Variants in CFDP1 observed in about 807,000 individuals in gnomAD.
CFDP1 encodes the protein heterochromatin-stabilizing protein CFDP1.
A neutral mutation model predicts 40.1 loss-of-function variants in CFDP1; 31 were observed. The observed-to-expected ratio is 0.77, with a 90% CI of 0.58 to 1.04. The LOEUF (loss-of-function observed/expected upper bound fraction) is 1.04, where lower values mean the gene tolerates loss of function less well. Ranked by LOEUF, CFDP1 falls within the 50% of genes least tolerant of loss-of-function variation. The probability of loss-of-function intolerance (pLI) is 0.00; values close to 1 mark genes in which losing one functional copy is unlikely to be tolerated. For synonymous variants in CFDP1, 167 were observed against 120.0 expected (o/e 1.39, Z -2.56); for missense variants, 423 against 343.4 (o/e 1.23, Z -1.83).
intron 5 of CFDP1, among the ~76,000 whole-genome samples, chr16:75,366,550 G>A (rs956539420): frequency 2.6e-5 from 4 of 152,136 alleles, no homozygotes; most frequent in African/African-American, 9.7e-5. Context: ...TTGAACATGG[G>A]AGGCGGAGGT....
At chr16:75,385,738 G>A (rs946720018) in intron 5 of CFDP1, among the ~76,000 whole-genome samples, 1 of 111,180 alleles carries the variant, frequency 9.0e-6, no homozygotes, top group Admixed American at 1.1e-4. Flanking sequence ...CTAGTGTACA[G>A]TAAAAGAAGT....
intron 5 of CFDP1, among the ~76,000 whole-genome samples, chr16:75,329,423 C>A (rs1035964388): frequency 1.3e-5 from 2 of 152,078 alleles, no homozygotes; most frequent in African/African-American, 4.8e-5. Flanking sequence ...ATTATGCATC[C>A]GTGTGACTTT....
chr16:75,431,027 C>T (rs953514904), intron 1 of CFDP1, among the ~76,000 whole-genome samples: 19 of 151,974 alleles, frequency 1.3e-4, no homozygotes, highest in African/African-American at 4.1e-4. Flanking sequence ...CAGTTAAGTA[C>T]ATAGACAGCT....
In CFDP1 at chr16:75,311,768, C is replaced by T. The variant is rs908231715; in HGVS notation, c.651-6586G>A. 1.2e-4 allele frequency among the ~76,000 whole-genome samples: 13 copies of T among 112,080 alleles called. No homozygotes were observed. In the Admixed American group the frequency reaches 1.2e-3, roughly 11 times the overall value. The allele number at this position is 112,080 out of a possible 152,430, so 73.5% of individuals were successfully genotyped here. On this transcript the variant is annotated intron_variant, in intron 5 of 6. Transcript: ENST00000283882. The stretch of plus-strand genomic sequence containing the variant: ...CTTACAATGTAGGAATGGACCTTTA[C>T]AATTTTTTTTTTTTTTTTTCAAGAA...
chr16:75,346,131 G>A (rs995122186), intron 5 of CFDP1, among the ~76,000 whole-genome samples: 1 of 152,212 alleles, frequency 6.6e-6, no homozygotes, highest in Middle Eastern at 3.2e-3. Context: ...TGAATCCTCA[G>A]TGTTTACTAG....
chr16:75,342,485 G>T (rs1030034365), intron 5 of CFDP1, among the ~76,000 whole-genome samples: 1 of 152,132 alleles, frequency 6.6e-6, no homozygotes, highest in Admixed American at 6.5e-5. Flanking sequence ...GTAAAAGTTT[G>T]TTTACTTGGA....
At chr16:75,310,422 G>A (rs1218971985) in intron 5 of CFDP1, among the ~76,000 whole-genome samples, 1 of 152,182 alleles carries the variant, frequency 6.6e-6, no homozygotes, top group African/African-American at 2.4e-5. Flanking sequence ...ACTCAGAAAA[G>A]TAAAAGAGAC....
intron 5 of CFDP1, among the ~76,000 whole-genome samples, chr16:75,378,798 C>A (rs2078825909): frequency 6.6e-6 from 1 of 152,164 alleles, no homozygotes; most frequent in African/African-American, 2.4e-5. Context: ...AACAAAGATA[C>A]TGGTCTTTCC....
intron 5 of CFDP1, among the ~76,000 whole-genome samples, chr16:75,371,808 G>A (rs1567660140): frequency 1.3e-5 from 2 of 152,048 alleles, no homozygotes; most frequent in South Asian, 2.1e-4. Context: ...ATCTATATAC[G>A]TTTTTAATAG....
intron 4 of CFDP1, among the ~76,000 whole-genome samples, chr16:75,396,996 C>G (rs1036086571): frequency 7.9e-5 from 12 of 152,072 alleles, no homozygotes; most frequent in African/African-American, 2.7e-4. Flanking sequence ...TCACTGCAAC[C>G]TCTGCCTCCT....
At chr16:75,367,774 C>A (rs2078725321) in intron 5 of CFDP1, among the ~76,000 whole-genome samples, 1 of 119,586 alleles carries the variant, frequency 8.4e-6, no homozygotes, top group Non-Finnish European at 1.6e-5. Context: ...GCCTGGGCGA[C>A]AGAGTGACAC....
At chr16:75,325,231 GACA>G (rs1352982117) in intron 5 of CFDP1, among the ~76,000 whole-genome samples, 2 of 152,164 alleles carry the variant, frequency 1.3e-5, no homozygotes, top group African/African-American at 2.4e-5. Context: ...AGTTGTGGGG[GACA>G]ACATCTGTCC....
chr16:75,303,990 T>C (rs564937913), intron 6 of CFDP1, among the ~76,000 whole-genome samples: 111 of 152,302 alleles, frequency 7.3e-4, no homozygotes, highest in Non-Finnish European at 1.5e-3. Context: ...GCCACTTCTG[T>C]GGTAACTTCC....
chr16:75,348,848 T>C (rs974970674), intron 5 of CFDP1, among the ~76,000 whole-genome samples: 3 of 152,226 alleles, frequency 2.0e-5, no homozygotes, highest in South Asian at 4.1e-4. Flanking sequence ...GATGCTTTTG[T>C]AAATGGAACT....
chr16:75,305,823 G>A (rs1304220049), intron 5 of CFDP1, among the ~76,000 whole-genome samples: 1 of 152,174 alleles, frequency 6.6e-6, no homozygotes, highest in African/African-American at 2.4e-5. Flanking sequence ...TTTAACTCCT[G>A]TGAGTTGGGC....
At chr16:75,322,692 C>G (rs1469540193) in intron 5 of CFDP1, among the ~76,000 whole-genome samples, 1 of 151,928 alleles carries the variant, frequency 6.6e-6, no homozygotes, top group East Asian at 1.9e-4. Flanking sequence ...TGACATGACA[C>G]TCAAAGGAGC....
At chr16:75,408,177 A>G (rs1251937569) in intron 4 of CFDP1, among the ~76,000 whole-genome samples, 1 of 152,146 alleles carries the variant, frequency 6.6e-6, no homozygotes, top group Admixed American at 6.6e-5. Context: ...ACGCACGCAC[A>G]GTACATCTTT....
intron 5 of CFDP1, among the ~76,000 whole-genome samples, chr16:75,337,527 C>A (rs550447391): frequency 6.6e-6 from 1 of 152,190 alleles, no homozygotes; most frequent in Non-Finnish European, 1.5e-5. Flanking sequence ...CAAGAACTAC[C>A]AGAGACTGGA....
In CFDP1 at chr16:75,346,310, A is replaced by T. The variant is rs374401232; in HGVS notation, c.651-41128T>A. Among the ~76,000 whole-genome samples, 20 of 152,274 alleles carry T rather than the reference A, an allele frequency of 1.3e-4. 3 individuals are homozygous for T. Among genetic ancestry groups the T allele is most frequent in the Admixed American group, 6.5e-4 (10 of 15,294 alleles). On this transcript the variant is annotated intron_variant, in intron 5 of 6. Coordinates refer to ENST00000283882, the MANE Select transcript of CFDP1 (RefSeq NM_006324.3). ...TAAAGAGCACCAGGTAGGGCTGGGC[A>T]TGGTGGCTCACGCCTGTAATTCCAG...
Sources: gnomAD v4.1 joint callset for allele counts (sites outside exome capture counted in the v4.1 genomes callset) on GRCh38, gnomAD v4.1.1 for gene constraint, MANE v1.5 for transcripts, NCBI Gene and HGNC (gene_info 2026-07-23, HGNC 2026-07-21) for gene names.